The following GMEB2 variants were observed in gnomAD, a reference collection of about 807,000 sequenced individuals.
The protein encoded by GMEB2 is glucocorticoid modulatory element binding protein 2, also known as glucocorticoid modulatory element-binding protein 2.
In GMEB2, 7 loss-of-function variants were observed where a neutral mutation model predicts 45.7. That is an observed-to-expected ratio of 0.15 (90% CI 0.09 to 0.29). GMEB2 has a LOEUF of 0.29. Ranked by LOEUF, GMEB2 falls within the 10% of genes least tolerant of loss-of-function variation. The probability of loss-of-function intolerance (pLI) is 1.00; values close to 1 mark genes in which losing one functional copy is unlikely to be tolerated. For synonymous variants in GMEB2, 322 were observed against 323.6 expected (o/e 1.00, Z 0.05); for missense variants, 582 against 739.2 (o/e 0.79, Z 2.47).
chr20:63,593,157 C>T lies in GMEB2; in HGVS notation c.620-75G>A, dbSNP rs796418412. 4 of 819,198 alleles carry T rather than the reference C, an allele frequency of 4.9e-6. No individual in the cohort carries two copies. The African/African-American group carries it at 6.7e-5, about 14-fold the overall frequency. The allele number at this position is 819,198 out of a possible 1,614,324, so 50.7% of individuals were successfully genotyped here. A position where few individuals can be genotyped will look rare whatever the true frequency, so the allele number is the denominator to read the frequency against. On this transcript the variant is annotated intron_variant, in intron 6 of 9. Coordinates refer to ENST00000370077, the MANE Select transcript of GMEB2 (RefSeq NM_012384.5). The surrounding 1 kb of genome is among the most constrained non-coding windows in gnomAD (Gnocchi z 4.7). ...ACACCCCACATACCCTGTCCACCCT[C>T]CTCACACCACCTTCTGAACCTTTCC...
Position 63,592,178 on chromosome 20 carries a change from C to T in GMEB2, c.830-34G>A, listed in dbSNP as rs373327294. 6 of 1,599,014 alleles carry T rather than the reference C, an allele frequency of 3.8e-6. No homozygotes were observed. The African/African-American group carries it at 8.0e-5, about 21-fold the overall frequency. On this transcript the variant is annotated intron_variant, in intron 8 of 9. Coordinates refer to ENST00000370077, the MANE Select transcript of GMEB2 (RefSeq NM_012384.5). This position sits in a 1 kb window ranked among gnomAD's most constrained non-coding sequence, Gnocchi z 8.2. ...GTAACGCGGACACTCAGTGAGAGCC[C>T]AAGCCCTTCCTAGAGAGCCACGCGG... is the stretch of plus-strand genomic sequence containing the variant.
intron 3 of GMEB2, among the ~76,000 whole-genome samples, chr20:63,603,926 T>C (rs6010970): frequency 0.9 from 136,100 of 151,594 alleles, 61,211 homozygotes; most frequent in East Asian, 1. Context: ...TGGTGGCATG[T>C]GCTTGTAATC....
In GMEB2 at chr20:63,619,946, T is replaced by G. The variant is rs2089634205; in HGVS notation, c.-57-492A>C. 2 of 152,408 alleles carry G rather than the reference T, an allele frequency of 1.3e-5. No individual in the cohort carries two copies. Among genetic ancestry groups the G allele is most frequent in the Admixed American group, 6.5e-5 (1 of 15,288 alleles). 9.4% of individuals were successfully genotyped at this position (152,408 alleles called of 1,614,324 possible). On this transcript the variant is annotated intron_variant, in intron 1 of 9. Coordinates refer to ENST00000370077, the MANE Select transcript of GMEB2 (RefSeq NM_012384.5). The surrounding 1 kb of genome is among the most constrained non-coding windows in gnomAD (Gnocchi z 4.6). ...AGGAGGGAAACGCCCTGGGTTTTTTTGGGTTTTTGGGTTTTTTTTGAGACG... is the reference window on the plus strand; with the variant it reads ...AGGAGGGAAACGCCCTGGGTTTTTTGGGGTTTTTGGGTTTTTTTTGAGACG...
intron 2 of GMEB2, among the ~76,000 whole-genome samples, chr20:63,610,903 G>T (rs2089564967): frequency 6.6e-6 from 1 of 152,212 alleles, no homozygotes; most frequent in Non-Finnish European, 1.5e-5. Flanking sequence ...GAGGACTCTG[G>T]CTCTCCTCCT....
At chr20:63,614,883 C>T (rs1309255901) in intron 2 of GMEB2, among the ~76,000 whole-genome samples, 1 of 152,212 alleles carries the variant, frequency 6.6e-6, no homozygotes, top group Non-Finnish European at 1.5e-5. Flanking sequence ...ACATGGTTCA[C>T]ACTCCTTACC....
At chr20:63,612,464 A>G (rs1481858341) in intron 2 of GMEB2, among the ~76,000 whole-genome samples, 1 of 152,204 alleles carries the variant, frequency 6.6e-6, no homozygotes, top group Non-Finnish European at 1.5e-5. Context: ...CGACGTGGCC[A>G]CAAGGGGTGA....
At chr20:63,620,268 T>C (rs1022005127) in intron 1 of GMEB2, among the ~76,000 whole-genome samples, 2 of 152,138 alleles carry the variant, frequency 1.3e-5, no homozygotes, top group African/African-American at 2.4e-5. Context: ...CAACCCCTGC[T>C]AAAACCCAGT....
rs1569053521 is a variant in GMEB2 at position 63,604,730 on chromosome 20, G to GACGGCTTCCTACCTAAC, written c.225_229+12dup. On this transcript the variant is annotated intron_variant, in intron 3 of 9. Transcript: ENST00000370077. ...GCAAGAAGGCAGACTTCCCACCTAG[G>GACGGCTTCCTACCTAAC]ACGGCTTCCTACCTAACACGGCTTC... 5.3e-6 allele frequency: 8 copies of GACGGCTTCCTACCTAAC among 1,508,072 alleles called. No individual in the cohort carries two copies. Among genetic ancestry groups the GACGGCTTCCTACCTAAC allele is most frequent in the Non-Finnish European group, 6.5e-6 (7 of 1,082,920 alleles). The allele number at this position is 1,508,072 out of a possible 1,614,324, so 93.4% of individuals were successfully genotyped here. A position where few individuals can be genotyped will look rare whatever the true frequency, so the allele number is the denominator to read the frequency against.
chr20:63,612,834 CA>C (rs560692039), intron 2 of GMEB2, among the ~76,000 whole-genome samples: 3 of 152,222 alleles, frequency 2.0e-5, no homozygotes, highest in Non-Finnish European at 4.4e-5. Flanking sequence ...GCCAAGCTGT[CA>C]GCTGACGACA....
chr20:63,604,862 A>G (rs1277846821), intron 2 of GMEB2, 22 bp from the exon 3 acceptor site: 2 of 1,406,880 alleles, frequency 1.4e-6, no homozygotes, highest in Non-Finnish European at 2.0e-6. Context: ...AAGGGAGGAG[A>G]GAATAGAATC....
Position 63,590,745 on chromosome 20 carries a change from G to A in GMEB2, c.953-16C>T. ...TGCTCCAGGGCTGCAGGGAGGTACA[G>A]ATGGCATCACACAGGGGACGGGGGC... On this transcript the variant is annotated splice_polypyrimidine_tract_variant and intron_variant, in intron 9 of 9. Transcript: ENST00000370077. 1.4e-6 allele frequency: 2 copies of A among 1,469,090 alleles called. No individual in the cohort carries two copies. The highest frequency in any genetic ancestry group is 1.8e-6 in the Non-Finnish European group (2 of 1,101,584). The allele number at this position is 1,469,090 out of a possible 1,614,324, so 91.0% of individuals were successfully genotyped here.
Position 63,590,450 on chromosome 20 carries a change from C to T in GMEB2, c.1232G>A (p.Gly411Asp), listed in dbSNP as rs773527289. ...GGGGGGCGCCTGAAGGGAACCCTTG[C>T]CCAGGACGGTGGACGGCAGGGTGGA... ...VVSTLPSTVL[G>D]KGSLQAPPAS... is the part of the protein sequence containing the mutation. Residue 411 changes from glycine to aspartate, a missense_variant, in exon 10 of 10, where the codon GGC becomes GAC. Gly to Asp is a moderately conservative substitution (Grantham distance 94). Around this residue, in one of 3 missense-constraint regions of GMEB2, gnomAD observed 462 missense variants for 586.7 expected, o/e 0.79. Coordinates refer to ENST00000370077, the MANE Select transcript of GMEB2 (RefSeq NM_012384.5). 1.3e-6 allele frequency: 2 copies of T among 1,530,936 alleles called. No individual in the cohort carries two copies. Among genetic ancestry groups the T allele is most frequent in the East Asian group, 2.4e-5 (1 of 42,508 alleles). The allele number at this position is 1,530,936 out of a possible 1,614,324, so 94.8% of individuals were successfully genotyped here. A position where few individuals can be genotyped will look rare whatever the true frequency, so the allele number is the denominator to read the frequency against.
In GMEB2 at chr20:63,588,497, C is replaced by T. The variant is rs191122764; in HGVS notation, c.*1592G>A. ...GTACATCAAAAGATCAACATCACGCCGAAACCAGCTGACTGTGACAACAGC... is the reference window on the plus strand; with the variant it reads ...GTACATCAAAAGATCAACATCACGCTGAAACCAGCTGACTGTGACAACAGC... On this transcript the variant is annotated 3_prime_UTR_variant, in exon 10 of 10. Transcript: ENST00000370077. 1.4e-5 allele frequency: 5 copies of T among 369,790 alleles called. No individual in the cohort carries two copies. The highest frequency in any genetic ancestry group is 1.5e-4 in the South Asian group (1 of 6,794). 22.9% of individuals were successfully genotyped at this position (369,790 alleles called of 1,614,324 possible). A position where few individuals can be genotyped will look rare whatever the true frequency, so the allele number is the denominator to read the frequency against.
Position 63,588,732 on chromosome 20 carries a change from G to A in GMEB2, c.*1357C>T, listed in dbSNP as rs939035153. 8 of 398,654 alleles carry A rather than the reference G, an allele frequency of 2.0e-5. No individual in the cohort carries two copies. The South Asian group carries it at 3.8e-4, about 19-fold the overall frequency. The allele number at this position is 398,654 out of a possible 1,614,324, so 24.7% of individuals were successfully genotyped here. On this transcript the variant is annotated 3_prime_UTR_variant, in exon 10 of 10. Transcript: ENST00000370077. Reference sequence around the variant, plus strand: ...GGCCTCAGACGGGCCTTCAACTGCCGACAGAATCAGCAGGAGCGTCCAGGG... The same window carrying A: ...GGCCTCAGACGGGCCTTCAACTGCCAACAGAATCAGCAGGAGCGTCCAGGG...
At chr20:63,599,069 C>T (rs1345359720) in intron 4 of GMEB2, among the ~76,000 whole-genome samples, 1 of 152,232 alleles carries the variant, frequency 6.6e-6, no homozygotes, top group African/African-American at 2.4e-5. Flanking sequence ...GCTCCAGGAG[C>T]TTCAGCATGT....
intron 1 of GMEB2, among the ~76,000 whole-genome samples, chr20:63,623,218 G>A (rs547506816): frequency 5.3e-5 from 8 of 152,246 alleles, no homozygotes; most frequent in Middle Eastern, 3.4e-3. Context: ...ATGATGAGCC[G>A]TTTACTGTCA....
At chr20:63,616,425 C>A (rs1272480406) in intron 2 of GMEB2, among the ~76,000 whole-genome samples, 2 of 152,138 alleles carry the variant, frequency 1.3e-5, no homozygotes, top group East Asian at 1.9e-4. Context: ...GCCTAGGCAA[C>A]AAGAGCGAGA....
intron 4 of GMEB2, among the ~76,000 whole-genome samples, chr20:63,599,621 G>A (rs432717): frequency 0.49 from 73,809 of 152,068 alleles, 19,364 homozygotes; most frequent in Middle Eastern, 0.66. Context: ...TGAGCGATCC[G>A]TCTCTCCTCC....
At chr20:63,626,701 G>A (rs1015654675) in intron 1 of GMEB2, among the ~76,000 whole-genome samples, 14 of 150,978 alleles carry the variant, frequency 9.3e-5, no homozygotes, top group African/African-American at 1.5e-4. Flanking sequence ...GCTGGAGGCC[G>A]AGCCCGCGCC....
Sources: allele counts gnomAD v4.1 joint callset (sites outside exome capture counted in the v4.1 genomes callset), GRCh38; gene constraint gnomAD v4.1.1; regional missense constraint gnomAD v4.1.1; non-coding constraint Gnocchi (gnomAD v3.1); transcripts MANE v1.5; gene names NCBI Gene and HGNC (gene_info 2026-07-23, HGNC 2026-07-21).